Variants in CSF2RA observed in about 807,000 individuals in gnomAD.
CSF2RA encodes the protein colony stimulating factor 2 receptor subunit alpha, also known as granulocyte-macrophage colony-stimulating factor receptor subunit alpha.
CSF2RA carries 42 observed loss-of-function variants against 51.6 expected under a neutral mutation model. The ratio of observed to expected loss-of-function variants is 0.81; its 90% CI spans 0.64 to 1.05. The LOEUF (loss-of-function observed/expected upper bound fraction) is 1.05, where lower values mean the gene tolerates loss of function less well. CSF2RA is among the 50% of genes least tolerant of loss of function. The pLI is 0.00. For missense variants in CSF2RA, 530 were observed against 501.1 expected, an observed-to-expected ratio of 1.06 and a Z score of -0.55; for synonymous variants, 222 against 193.0, an observed-to-expected ratio of 1.15 and a Z score of -1.24.
intron 4 of CSF2RA, among the ~76,000 whole-genome samples, chrX:1,287,366 C>A (rs1321523682): frequency 1.4e-4 from 21 of 150,004 alleles, no homozygotes; most frequent in South Asian, 4.2e-4. Flanking sequence ...GTTGGCCAGG[C>A]TGGTCTCCAA....
At chrX:1,293,912 CT>C in intron 7 of CSF2RA, 1 of 312,782 alleles carries the variant, frequency 3.2e-6, no homozygotes, top group Non-Finnish European at 6.3e-6. Context: ...CAGGAGAAGA[CT>C]CTGCCCCATC....
rs752978804 is a variant in CSF2RA, at chrX:1,271,332, A to ATT, written c.-91+2476_-91+2477dup. 5.0e-3 allele frequency among the ~76,000 whole-genome samples: 72 copies of ATT among 14,426 alleles called. 4 individuals are homozygous for ATT. The highest frequency in any genetic ancestry group is 0.012 in the Admixed American group (7 of 562). 9.5% of individuals were successfully genotyped at this position (14,426 alleles called of 152,430 possible). The stretch of plus-strand genomic sequence containing the variant: ...GCCACCACGCCCGGCTAATTTTTGT[A>ATT]TTTTTTTTTTTTTTTTTTTTTTTTG... On this transcript the variant is annotated intron_variant, in intron 1 of 12. Transcript: ENST00000381529.
At chrX:1,315,424 G>C in the CSF2RA span, among the ~76,000 whole-genome samples, 1 of 152,050 alleles carries the variant, frequency 6.6e-6, no homozygotes, top group African/African-American at 2.4e-5. Context: ...TGTTTTAAGA[G>C]ACAGAGTCTC....
chrX:1,323,285 G>GATCTCTTGAATCCAGCAGTTTGA, the CSF2RA span, among the ~76,000 whole-genome samples: 1 of 148,626 alleles, frequency 6.7e-6, no homozygotes, highest in African/African-American at 2.5e-5. Context: ...AGGCCGAGGC[G>GATCTCTTGAATCCAGCAGTTTGA]GGCGGATCAC....
chrX:1,315,016 C>A (rs2084511503), downstream of CSF2RA, among the ~76,000 whole-genome samples: 2 of 133,222 alleles, frequency 1.5e-5, no homozygotes, highest in African/African-American at 5.5e-5. Context: ...CTGCACCTGC[C>A]CAACCACACT....
At chrX:1,314,972 G>A (rs866818268), downstream of CSF2RA, among the ~76,000 whole-genome samples, 2,415 of 44,066 alleles carry the variant, frequency 0.055, 288 homozygotes, top group African/African-American at 0.16. Flanking sequence ...ACCCCACTGT[G>A]CCTGCCCAAT....
the CSF2RA span, among the ~76,000 whole-genome samples, chrX:1,316,025 T>C: frequency 4.3e-5 from 4 of 92,476 alleles, no homozygotes; most frequent in South Asian, 4.1e-4. Flanking sequence ...TATAGATAGA[T>C]ACATAGATAG....
intron 10 of CSF2RA, among the ~76,000 whole-genome samples, chrX:1,301,256 C>CGGGAGGTGGAGGTTGCA (rs2148607453): frequency 7.2e-6 from 1 of 138,764 alleles, no homozygotes; most frequent in South Asian, 2.4e-4. Context: ...GACTTGAACC[C>CGGGAGGTGGAGGTTGCA]GGGAGGTGGA....
chrX:1,305,195 C>T (rs75921294), intron 11 of CSF2RA, among the ~76,000 whole-genome samples: 28 of 151,476 alleles, frequency 1.8e-4, no homozygotes, highest in Non-Finnish European at 2.8e-4. Flanking sequence ...GGTTTCACCA[C>T]GTTGGCCAGG....
Position 1,282,901 on chromosome X carries a change from A to G in CSF2RA, c.76+122A>G, listed in dbSNP as rs766418514. The G allele has an allele frequency of 2.0e-3, 1,795 of 893,188 alleles. 6 individuals are homozygous for G. Among genetic ancestry groups the G allele is most frequent in the Middle Eastern group, 7.7e-3 (25 of 3,248 alleles). The allele number at this position is 893,188 out of a possible 1,614,324, so 55.3% of individuals were successfully genotyped here. A position where few individuals can be genotyped will look rare whatever the true frequency, so the allele number is the denominator to read the frequency against. The stretch of plus-strand genomic sequence containing the variant: ...ATCTCTAATGTTTATGAGGGACCCA[A>G]TAAGCACCAGCCAACCCACCAGAAG... On this transcript the variant is annotated intron_variant, in intron 3 of 12. Transcript: ENST00000381529.
chrX:1,285,307 G>A (rs1303025504), intron 3 of CSF2RA, among the ~76,000 whole-genome samples: 1 of 145,088 alleles, frequency 6.9e-6, no homozygotes, highest in African/African-American at 2.4e-5. Flanking sequence ...AGATACCTGA[G>A]GATGTGGGAC....
the CSF2RA span, among the ~76,000 whole-genome samples, chrX:1,324,413 G>GGAAA: frequency 0.78 from 106,171 of 136,708 alleles, 41,182 homozygotes; most frequent in East Asian, 0.86. Flanking sequence ...GGAAAAGAAA[G>GGAAA]GAAAGAAAAA....
rs778973758 is a variant in CSF2RA, at chrX:1,281,664, C to T, written c.-26-1014C>T. Among the ~76,000 whole-genome samples, 22 of 152,112 alleles carry T rather than the reference C, an allele frequency of 1.4e-4. No homozygotes were observed. In the East Asian group the frequency reaches 2.5e-3, roughly 17 times the overall value. On this transcript the variant is annotated intron_variant, in intron 2 of 12. Transcript: ENST00000381529. Reference sequence around the variant, plus strand: ...TGTATTCATCCCTCCATCTGCCCAACGCCAACCAACTCCGGATCTTTTTAC... The same window carrying T: ...TGTATTCATCCCTCCATCTGCCCAATGCCAACCAACTCCGGATCTTTTTAC...
At chrX:1,298,810 G>A (rs2092176001) in intron 9 of CSF2RA, among the ~76,000 whole-genome samples, 3 of 152,054 alleles carry the variant, frequency 2.0e-5, no homozygotes, top group Admixed American at 2.0e-4. Flanking sequence ...TAGACCCAGT[G>A]TGATCAGGAG....
At chrX:1,321,394 G>A in the CSF2RA span, among the ~76,000 whole-genome samples, 243 of 151,938 alleles carry the variant, frequency 1.6e-3, no homozygotes, top group Admixed American at 2.2e-3. Flanking sequence ...GCGTGAACCC[G>A]GGAGGCGGAG....
chrX:1,322,443 T>G, the CSF2RA span, among the ~76,000 whole-genome samples: 294 of 79,864 alleles, frequency 3.7e-3, 2 homozygotes, highest in African/African-American at 0.011. Context: ...GTGTTTGTTT[T>G]TTTTTTTTTT....
At chrX:1,311,441 G>T (rs73624851), downstream of CSF2RA, among the ~76,000 whole-genome samples, 5,194 of 46,206 alleles carry the variant, frequency 0.11, 213 homozygotes, top group African/African-American at 0.46. Flanking sequence ...AAACCTGTTT[G>T]TTTTTTTTTT....
chrX:1,314,123 T>C (rs1347837653), downstream of CSF2RA, among the ~76,000 whole-genome samples: 1 of 152,012 alleles, frequency 6.6e-6, no homozygotes, highest in Admixed American at 6.6e-5. Flanking sequence ...TCCCCTGTGT[T>C]CTTTGGCACC....
At chrX:1,315,624 C>T in the CSF2RA span, among the ~76,000 whole-genome samples, 33 of 152,166 alleles carry the variant, frequency 2.2e-4, no homozygotes, top group African/African-American at 7.7e-4. Context: ...AGGCTGGTCT[C>T]GAACTCCTGA....
Sources: allele counts gnomAD v4.1 joint callset (sites outside exome capture counted in the v4.1 genomes callset), GRCh38; gene constraint gnomAD v4.1.1; transcripts MANE v1.5; gene names NCBI Gene and HGNC (gene_info 2026-07-23, HGNC 2026-07-21).